PCDH15: variants seen among roughly 807,000 people sequenced by gnomAD.
The protein encoded by PCDH15 is protocadherin related 15, also known as protocadherin-15.
PCDH15 carries 129 observed loss-of-function variants against 178.5 expected under a neutral mutation model. The observed-to-expected ratio is 0.72, with a 90% confidence interval of 0.63 to 0.84. The LOEUF (loss-of-function observed/expected upper bound fraction) is 0.84. Among genes scored for constraint, PCDH15 ranks in the 40% least tolerant of loss-of-function variants. The pLI is 0.00. For synonymous variants in PCDH15, 800 were observed against 732.0 expected (o/e 1.09, Z -1.50); for missense variants, 2,230 against 2,099.9 (o/e 1.06, Z -1.21).
chr10:55,616,694 G>C (rs1843485278), intron 2 of PCDH15, among the ~76,000 whole-genome samples: 1 of 152,084 alleles, frequency 6.6e-6, no homozygotes, highest in African/African-American at 2.4e-5. Flanking sequence ...ATAACACTGT[G>C]CACTGAGGTG....
intron 2 of PCDH15, among the ~76,000 whole-genome samples, chr10:55,588,097 G>A (rs1049507605): frequency 1.3e-5 from 2 of 152,070 alleles, no homozygotes; most frequent in African/African-American, 4.8e-5. Flanking sequence ...ATTTTAAAGC[G>A]CTTAAAACTT....
chr10:55,234,869 A>G (rs1347569481), intron 1 of PCDH15, among the ~76,000 whole-genome samples: 2 of 151,724 alleles, frequency 1.3e-5, no homozygotes, highest in Non-Finnish European at 2.9e-5. Context: ...AAAGTTTTAT[A>G]TATTATTTTT....
intron 8 of PCDH15, among the ~76,000 whole-genome samples, chr10:54,306,201 T>C (rs2060458664): frequency 6.6e-6 from 1 of 152,190 alleles, no homozygotes; most frequent in Admixed American, 6.6e-5. Flanking sequence ...CTGCCTTGCA[T>C]CCATTTCCCT....
chr10:55,009,422 C>A (rs1255716332), intron 2 of PCDH15, among the ~76,000 whole-genome samples: 3 of 152,016 alleles, frequency 2.0e-5, no homozygotes, highest in Admixed American at 1.3e-4. Context: ...AGAATAAGGG[C>A]TTTAGTAAAA....
At chr10:54,372,440 A>T (rs769297433) in intron 4 of PCDH15, among the ~76,000 whole-genome samples, 3 of 151,886 alleles carry the variant, frequency 2.0e-5, no homozygotes, top group Non-Finnish European at 4.4e-5. Flanking sequence ...GAGGGCAATA[A>T]ATTATAACCA....
chr10:55,118,984 G>A (rs772779958), intron 2 of PCDH15, among the ~76,000 whole-genome samples: 18 of 152,138 alleles, frequency 1.2e-4, no homozygotes, highest in Non-Finnish European at 1.9e-4. Context: ...TCTTGCGGTT[G>A]CTTGAGGACC....
intron 2 of PCDH15, among the ~76,000 whole-genome samples, chr10:55,130,167 G>A (rs1419787091): frequency 1.3e-5 from 2 of 152,106 alleles, no homozygotes; most frequent in East Asian, 3.9e-4. Flanking sequence ...GAGGGAAGGA[G>A]TGTTGCCCTA....
chr10:54,541,487 C>G (rs974737272), intron 2 of PCDH15, among the ~76,000 whole-genome samples: 1 of 151,964 alleles, frequency 6.6e-6, no homozygotes, highest in African/African-American at 2.4e-5. Flanking sequence ...TAAAAATAAA[C>G]AACTCTTTTT....
chr10:55,391,458 T>G (rs1837790223), intron 2 of PCDH15, among the ~76,000 whole-genome samples: 1 of 150,172 alleles, frequency 6.7e-6, no homozygotes, highest in Non-Finnish European at 1.5e-5. Context: ...TTCTTGTTTT[T>G]CTTGCATTCA....
chr10:54,626,876 C>T (rs1418343790), intron 2 of PCDH15, among the ~76,000 whole-genome samples: 3 of 152,160 alleles, frequency 2.0e-5, no homozygotes, highest in Admixed American at 6.5e-5. Flanking sequence ...GGGAATGAGA[C>T]TGTAGCCTGC....
intron 13 of PCDH15, among the ~76,000 whole-genome samples, chr10:54,166,777 T>C (rs1225645705): frequency 6.6e-6 from 1 of 152,114 alleles, no homozygotes; most frequent in African/African-American, 2.4e-5. Flanking sequence ...AAGAAGTGAA[T>C]ATGCCCTGCC....
chr10:55,182,393 C>T (rs1424898732), intron 1 of PCDH15, among the ~76,000 whole-genome samples: 2 of 151,960 alleles, frequency 1.3e-5, no homozygotes, highest in Non-Finnish European at 2.9e-5. Context: ...CACACACACA[C>T]TTGCACTTGC....
intron 29 of PCDH15, among the ~76,000 whole-genome samples, chr10:53,831,873 T>C (rs963374012): frequency 6.6e-6 from 1 of 152,104 alleles, no homozygotes; most frequent in South Asian, 2.1e-4. Context: ...ATATCCTAAA[T>C]TATATACCAT....
rs539235327 is a variant in PCDH15 at position 53,911,807 on chromosome 10, C to T, written c.3374-8437G>A. ...TGAAATTGAGGCAATAATTAATAGC[C>T]TACCAACCAAAAACAAAGTCCGGGA... On this transcript the variant is annotated intron_variant, in intron 25 of 37. Coordinates refer to ENST00000644397, the MANE Select transcript of PCDH15 (RefSeq NM_001384140.1). Among the ~76,000 whole-genome samples the T allele has an allele frequency of 7.2e-5, 11 of 152,194 alleles. No individual in the cohort carries two copies. The South Asian group carries it at 2.3e-3, about 32-fold the overall frequency.
intron 2 of PCDH15, among the ~76,000 whole-genome samples, chr10:54,537,251 G>A (rs1291719161): frequency 3.3e-5 from 5 of 151,918 alleles, no homozygotes; most frequent in Admixed American, 1.3e-4. Context: ...CGCCCGCCTC[G>A]GCCTCCCAAA....
intron 20 of PCDH15, among the ~76,000 whole-genome samples, chr10:54,015,372 CA>C (rs1315041529): frequency 3.7e-5 from 4 of 107,578 alleles, no homozygotes; most frequent in Non-Finnish European, 7.9e-5. Context: ...ATTAAACTAC[CA>C]AAGGCATTAT....
At chr10:53,810,277 T>G (rs1206749665) in intron 37 of PCDH15, among the ~76,000 whole-genome samples, 2 of 152,184 alleles carry the variant, frequency 1.3e-5, no homozygotes, top group African/African-American at 4.8e-5. Flanking sequence ...TTATAATATC[T>G]TTATGGAGCA....
At chr10:54,857,116 A>G (rs1018914002) in intron 3 of PCDH15, among the ~76,000 whole-genome samples, 2 of 152,148 alleles carry the variant, frequency 1.3e-5, no homozygotes, top group African/African-American at 4.8e-5. Flanking sequence ...CATTGCCTCA[A>G]TACTGTGGGT....
chr10:54,406,964 A>G (rs116809181), intron 3 of PCDH15, among the ~76,000 whole-genome samples: 2,673 of 152,288 alleles, frequency 0.018, 75 homozygotes, highest in African/African-American at 0.059. Flanking sequence ...TGGAAGAAAA[A>G]TATTTGCAGA....
Sources: gnomAD v4.1 joint callset for allele counts (sites outside exome capture counted in the v4.1 genomes callset) on GRCh38, gnomAD v4.1.1 for gene constraint, MANE v1.5 for transcripts, NCBI Gene and HGNC (gene_info 2026-07-23, HGNC 2026-07-21) for gene names.